The following GSE1 variants were observed in gnomAD, a reference collection of about 807,000 sequenced individuals.
GSE1 encodes the protein genetic suppressor element 1.
A neutral mutation model predicts 112.6 loss-of-function variants in GSE1; 32 were observed. The observed-to-expected ratio is 0.28, with a 90% CI of 0.21 to 0.38. The LOEUF (loss-of-function observed/expected upper bound fraction) is 0.38. Among genes scored for constraint, GSE1 ranks in the 10% least tolerant of loss-of-function variants. The probability of loss-of-function intolerance (pLI) is 1.00; values close to 1 mark genes in which losing one functional copy is unlikely to be tolerated. For synonymous variants in GSE1, 1,115 were observed against 735.6 expected (o/e 1.52, Z -8.35); for missense variants, 2,348 against 1,699.2 (o/e 1.38, Z -6.71).
intron 1 of GSE1, among the ~76,000 whole-genome samples, chr16:85,602,009 G>T (rs1431960132): frequency 1.3e-5 from 2 of 152,128 alleles, no homozygotes; most frequent in African/African-American, 4.8e-5. Context: ...GAGGGAGAGG[G>T]AGAAGACGGG....
intron 12 of GSE1, 28 bp downstream of exon 12, chr16:85,665,156 C>A: frequency 1.5e-6 from 2 of 1,337,818 alleles, no homozygotes; most frequent in South Asian, 1.2e-5. Flanking sequence ...CCACCTGCCA[C>A]CACCCAGGAC....
chr16:85,250,109 C>T (rs1906299408), intron 1 of GSE1, among the ~76,000 whole-genome samples: 1 of 152,206 alleles, frequency 6.6e-6, no homozygotes, highest in Non-Finnish European at 1.5e-5. Context: ...CAGCTCTGCT[C>T]GGTTCTCTCC....
chr16:85,616,166 A>AT (rs1262313617), intron 1 of GSE1, among the ~76,000 whole-genome samples: 4 of 152,266 alleles, frequency 2.6e-5, no homozygotes, highest in Admixed American at 6.5e-5. Context: ...TGAGCTAGAG[A>AT]TTCCCCCCTT....
rs141045364 is a variant in GSE1 at position 85,246,434 on chromosome 16, TACACACACAC to T, written c.2283+74644_2283+74653del. On this transcript the variant is annotated intron_variant, in intron 1 of 2. Transcript: ENST00000637419. ...ACACACACACACACCCCATGCTCTC[TACACACACAC>T]ACACACACACACACACCCCACACGC... Among the ~76,000 whole-genome samples, 21 of 44,458 alleles carry T rather than the reference TACACACACAC, an allele frequency of 4.7e-4. 1 individual carries two copies. The highest frequency in any genetic ancestry group is 1.3e-3 in the African/African-American group (15 of 11,536). 29.2% of individuals were successfully genotyped at this position (44,458 alleles called of 152,430 possible). A position where few individuals can be genotyped will look rare whatever the true frequency, so the allele number is the denominator to read the frequency against.
At chr16:85,440,917 G>A (rs1423877018) in intron 2 of GSE1, among the ~76,000 whole-genome samples, 15 of 152,210 alleles carry the variant, frequency 9.9e-5, no homozygotes, top group Admixed American at 9.2e-4. Flanking sequence ...CCCATCATGC[G>A]GGGCCTCGTG....
intron 1 of GSE1, among the ~76,000 whole-genome samples, chr16:85,580,857 C>G (rs1245194428): frequency 6.6e-6 from 1 of 152,224 alleles, no homozygotes; most frequent in Non-Finnish European, 1.5e-5. Flanking sequence ...AAGCAGGGAG[C>G]CCTCCACGGA....
At chr16:85,609,216 G>A (rs117004110), upstream of GSE1, among the ~76,000 whole-genome samples, 307 of 152,296 alleles carry the variant, frequency 2.0e-3, 1 homozygote, top group East Asian at 0.018. Flanking sequence ...GCCCTCTGCT[G>A]TCTGTCCCTT....
chr16:85,672,274 C>A, intron 15 of GSE1, 131 bp from the exon 16 acceptor site: 1 of 682,748 alleles, frequency 1.5e-6, no homozygotes. Flanking sequence ...GGATTACAGG[C>A]GTGAGCCACC....
intron 1 of GSE1, among the ~76,000 whole-genome samples, chr16:85,603,661 C>G (rs1369272336): frequency 6.6e-6 from 1 of 152,176 alleles, no homozygotes; most frequent in African/African-American, 2.4e-5. Context: ...ACCCCCAAGC[C>G]TGGTTATTTT....
In GSE1 at chr16:85,522,521, G is replaced by A. The variant is rs565487503; in HGVS notation, c.2465-111393G>A. Among the ~76,000 whole-genome samples, 22 of 152,246 alleles carry A rather than the reference G, an allele frequency of 1.4e-4. No individual in the cohort carries two copies. In the East Asian group the frequency reaches 3.5e-3, roughly 24 times the overall value. ...GTGAGAGTGATTGGATCCAGCCAGT[G>A]GTGCTGTTCTGAGAACTGCCTGTGT... On this transcript the variant is annotated intron_variant, in intron 2 of 2. Transcript: ENST00000637419.
At chr16:85,271,489 A>T (rs1908829541) in intron 1 of GSE1, among the ~76,000 whole-genome samples, 1 of 152,226 alleles carries the variant, frequency 6.6e-6, no homozygotes, top group Admixed American at 6.5e-5. Context: ...AGTCAGCAGT[A>T]GGACTTTTGG....
chr16:85,242,548 C>G (rs1000981673), intron 1 of GSE1, among the ~76,000 whole-genome samples: 1 of 152,250 alleles, frequency 6.6e-6, no homozygotes, highest in Non-Finnish European at 1.5e-5. Context: ...TTGTCACCAG[C>G]GCTTTACAGA....
chr16:85,510,437 A>T (rs72801118), intron 2 of GSE1, among the ~76,000 whole-genome samples: 10 of 37,926 alleles, frequency 2.6e-4, no homozygotes, highest in African/African-American at 1.6e-3. Flanking sequence ...TGTGTGTGTC[A>T]GTGTGTGTGT....
At chr16:85,658,194 G>C (rs1005381526) in intron 8 of GSE1, among the ~76,000 whole-genome samples, 3 of 152,158 alleles carry the variant, frequency 2.0e-5, no homozygotes, top group Non-Finnish European at 4.4e-5. Context: ...CCCTGCCCCT[G>C]CCTGCCCTGG....
chr16:85,293,567 A>T (rs534600500), intron 1 of GSE1, among the ~76,000 whole-genome samples: 28 of 152,276 alleles, frequency 1.8e-4, no homozygotes, highest in Middle Eastern at 6.8e-3. Flanking sequence ...AATTTTTTTT[A>T]AAAAGTAGCT....
At chr16:85,334,138 G>A (rs1041993762) in intron 1 of GSE1, among the ~76,000 whole-genome samples, 1 of 152,174 alleles carries the variant, frequency 6.6e-6, no homozygotes, top group Non-Finnish European at 1.5e-5. Flanking sequence ...AGCCCACGCG[G>A]CCTTCCTCGT....
chr16:85,545,165 C>A (rs2044653725), intron 2 of GSE1, among the ~76,000 whole-genome samples: 1 of 152,224 alleles, frequency 6.6e-6, no homozygotes, highest in Non-Finnish European at 1.5e-5. Flanking sequence ...GGCAGAGGGT[C>A]CCTTCACAGG....
intron 2 of GSE1, among the ~76,000 whole-genome samples, chr16:85,641,383 G>T (rs986646881): frequency 6.6e-6 from 1 of 152,200 alleles, no homozygotes; most frequent in Non-Finnish European, 1.5e-5. Flanking sequence ...ACTGTGGCAC[G>T]TGATGGCAGG....
intron 2 of GSE1, among the ~76,000 whole-genome samples, chr16:85,526,325 T>G (rs2052364072): frequency 6.6e-6 from 1 of 152,232 alleles, no homozygotes; most frequent in Admixed American, 6.5e-5. Flanking sequence ...CAAGGCAATG[T>G]TGGGGACCCA....
Sources: gnomAD v4.1 joint callset for allele counts (sites outside exome capture counted in the v4.1 genomes callset) on GRCh38, gnomAD v4.1.1 for gene constraint, MANE v1.5 for transcripts, NCBI Gene and HGNC (gene_info 2026-07-23, HGNC 2026-07-21) for gene names.